EDN3: variants seen among roughly 807,000 people sequenced by gnomAD.
EDN3 encodes the protein endothelin 3, also known as endothelin-3.
A neutral mutation model predicts 21.4 loss-of-function variants in EDN3; 9 were observed. The observed-to-expected ratio is 0.42, with a 90% confidence interval of 0.25 to 0.73. The LOEUF is 0.73. Ranked by LOEUF, EDN3 falls within the 30% of genes least tolerant of loss-of-function variation. EDN3 has a pLI of 0.26. For missense variants in EDN3, 327 were observed against 309.4 expected (o/e 1.06, Z -0.43); for synonymous variants, 133 against 126.2 (o/e 1.05, Z -0.36).
chr20:59,303,151 C>G (rs891530255), intron 2 of EDN3, among the ~76,000 whole-genome samples: 2 of 152,194 alleles, frequency 1.3e-5, no homozygotes, highest in African/African-American at 2.4e-5. Flanking sequence ...ACTTTCTGAA[C>G]AAAGAGCTGC....
rs886056873 is a variant in EDN3 at position 59,300,728 on chromosome 20, G to A, written c.-85G>A. 154 of 1,448,916 alleles carry A rather than the reference G, an allele frequency of 1.1e-4. No individual in the cohort carries two copies. The highest frequency in any genetic ancestry group is 2.4e-4 in the Middle Eastern group (1 of 4,238). 89.8% of individuals were successfully genotyped at this position (1,448,916 alleles called of 1,614,324 possible). On this transcript the variant is annotated 5_prime_UTR_variant, in exon 1 of 5. Transcript: ENST00000337938. ...CGAACCCCCACAGCTGGAGGGCGAG[G>A]CCAGCTGTACCCGGCCCCAGTGCCC...
intron 2 of EDN3, among the ~76,000 whole-genome samples, chr20:59,318,630 C>G (rs1196158062): frequency 1.3e-5 from 2 of 152,210 alleles, no homozygotes; most frequent in Non-Finnish European, 2.9e-5. Flanking sequence ...TGCCTCAAGG[C>G]TGTAGGGCAG....
At chr20:59,311,325 C>T (rs529073156) in intron 2 of EDN3, among the ~76,000 whole-genome samples, 8 of 152,222 alleles carry the variant, frequency 5.3e-5, no homozygotes, top group African/African-American at 1.7e-4. Context: ...TAGAGTAAAG[C>T]GAAAGCAAAT....
intron 2 of EDN3, among the ~76,000 whole-genome samples, chr20:59,314,095 G>A (rs1484859740): frequency 3.3e-5 from 5 of 152,146 alleles, no homozygotes; most frequent in Non-Finnish European, 5.9e-5. Context: ...CAGACAGTGG[G>A]CAGCGGGCAC....
intron 2 of EDN3, among the ~76,000 whole-genome samples, chr20:59,315,743 A>G (rs901296366): frequency 1.3e-5 from 2 of 152,124 alleles, no homozygotes; most frequent in African/African-American, 4.8e-5. Context: ...GTATAAAACT[A>G]CTGAAAATGG....
At chr20:59,308,401 T>TGGTTTAGAGACTCCTGG (rs1359020124) in intron 2 of EDN3, among the ~76,000 whole-genome samples, 1 of 152,206 alleles carries the variant, frequency 6.6e-6, no homozygotes, top group Non-Finnish European at 1.5e-5. Context: ...CTTCACACTT[T>TGGTTTAGAGACTCCTGG]GGTTTAGAGA....
At chr20:59,311,854 A>T (rs538138111) in intron 2 of EDN3, among the ~76,000 whole-genome samples, 9 of 152,214 alleles carry the variant, frequency 5.9e-5, no homozygotes, top group African/African-American at 2.2e-4. Flanking sequence ...GGCATTACAC[A>T]AGGACACAGA....
At chr20:59,323,176 C>G (rs1990651647) in intron 4 of EDN3, among the ~76,000 whole-genome samples, 1 of 152,072 alleles carries the variant, frequency 6.6e-6, no homozygotes, top group Non-Finnish European at 1.5e-5. Flanking sequence ...GGTGGCAGAT[C>G]GCTTCTAGTC....
chr20:59,307,955 A>G (rs1438951902), intron 2 of EDN3, among the ~76,000 whole-genome samples: 3 of 151,378 alleles, frequency 2.0e-5, no homozygotes, highest in African/African-American at 7.3e-5. Context: ...ATGTAATCAT[A>G]TATTTACCCT....
chr20:59,315,110 C>T (rs558751342), intron 2 of EDN3, among the ~76,000 whole-genome samples: 50 of 152,350 alleles, frequency 3.3e-4, no homozygotes, highest in African/African-American at 1.2e-3. Flanking sequence ...CATTTTCCTC[C>T]CTGCCCAGGC....
At position 59,323,037 on chromosome 20, in the gene EDN3, C is replaced by G. The variant is rs187484170; in HGVS notation, c.588+620C>G. Among the ~76,000 whole-genome samples the G allele has an allele frequency of 2.0e-5, 3 of 152,252 alleles. No individual in the cohort carries two copies. The East Asian group carries it at 5.8e-4, about 29-fold the overall frequency. On this transcript the variant is annotated intron_variant, in intron 4 of 4. Transcript: ENST00000337938. ...ATCAATCAGAAGTCATTATTAATGA[C>G]TCCGCAGCTCATCTGCAATGGGATG... is the stretch of plus-strand genomic sequence containing the variant.
chr20:59,313,678 A>G (rs1164908457), intron 2 of EDN3, among the ~76,000 whole-genome samples: 1 of 152,212 alleles, frequency 6.6e-6, no homozygotes, highest in African/African-American at 2.4e-5. Context: ...TGGTGGGATG[A>G]ACGGTCTGCC....
chr20:59,310,952 A>C (rs986359245), intron 2 of EDN3, among the ~76,000 whole-genome samples: 1 of 152,144 alleles, frequency 6.6e-6, no homozygotes, highest in Non-Finnish European at 1.5e-5. Context: ...GACTGGGGTG[A>C]GTGAGGCACT....
chr20:59,312,664 T>C (rs1460667130), intron 2 of EDN3, among the ~76,000 whole-genome samples: 1 of 152,190 alleles, frequency 6.6e-6, no homozygotes, highest in Non-Finnish European at 1.5e-5. Context: ...GAACCACTTA[T>C]CTTGGGTGGA....
In EDN3 at chr20:59,301,553, G is replaced by C; in HGVS notation, c.196G>C (p.Val66Leu). 6.2e-7 allele frequency: 1 copy of C among 1,613,662 alleles called. No individual in the cohort carries two copies. Among genetic ancestry groups the C allele is most frequent in the Non-Finnish European group, 8.5e-7 (1 of 1,179,910 alleles). The change falls in exon 2 of 5, where the codon GTG becomes CTG. Residue 66 changes from valine (V) to leucine (L), a missense_variant. By Grantham distance (32) the Val-to-Leu change is conservative. Coordinates refer to ENST00000337938, the MANE Select transcript of EDN3 (RefSeq NM_207034.3). The part of the protein sequence containing the change: ...ETVAGPGEGT[V>L]APTALQGPSP... ...TGTGGCTGGCCCTGGCGAGGGGACT[G>C]TGGCCCCGACAGCACTGCAGGGTCC...
chr20:59,323,271 G>A (rs1990658420), intron 4 of EDN3, among the ~76,000 whole-genome samples: 1 of 152,196 alleles, frequency 6.6e-6, no homozygotes, highest in African/African-American at 2.4e-5. Flanking sequence ...GAGCCCGGGA[G>A]AGCATGAGTC....
At chr20:59,301,912 TC>T (rs919574857) in intron 2 of EDN3, among the ~76,000 whole-genome samples, 190 bp downstream of exon 2, 12 of 151,798 alleles carry the variant, frequency 7.9e-5, no homozygotes, top group Non-Finnish European at 1.6e-4. Context: ...GTGACCCACA[TC>T]CCCCCTGAGG....
Sources: gnomAD v4.1 joint callset for allele counts (sites outside exome capture counted in the v4.1 genomes callset) on GRCh38, gnomAD v4.1.1 for gene constraint, MANE v1.5 for transcripts, NCBI Gene and HGNC (gene_info 2026-07-23, HGNC 2026-07-21) for gene names.